The following FBRSL1 variants were observed in gnomAD, a reference collection of about 807,000 sequenced individuals.
FBRSL1 encodes fibrosin-1-like protein.
FBRSL1 carries 51 observed loss-of-function variants against 89.6 expected under a neutral mutation model. That is an observed-to-expected ratio of 0.57 (90% CI 0.45 to 0.72). The LOEUF (loss-of-function observed/expected upper bound fraction) is 0.72. Among genes scored for constraint, FBRSL1 ranks in the 30% least tolerant of loss-of-function variants. The probability of loss-of-function intolerance (pLI) is 0.00; values close to 1 mark genes in which losing one functional copy is unlikely to be tolerated. For synonymous variants in FBRSL1, 779 were observed against 681.1 expected (o/e 1.14, Z -2.24); for missense variants, 1,618 against 1,451.8 (o/e 1.11, Z -1.86).
chr12:132,545,530 C>G (rs911910874), intron 4 of FBRSL1, among the ~76,000 whole-genome samples: 1 of 152,262 alleles, frequency 6.6e-6, no homozygotes, highest in Non-Finnish European at 1.5e-5. Flanking sequence ...CCCTCAGTGT[C>G]TCCTTGCTGT....
chr12:132,515,926 TAAGG>T (rs1343281033), intron 2 of FBRSL1, among the ~76,000 whole-genome samples: 1 of 136,752 alleles, frequency 7.3e-6, no homozygotes, highest in Non-Finnish European at 1.6e-5. Flanking sequence ...AAAAAATTAA[TAAGG>T]TAGGAAACAG....
rs1331212974 is a variant in FBRSL1, at chr12:132,504,239, A to T, written c.292-3914A>T. On this transcript the variant is annotated intron_variant, in intron 1 of 18. Coordinates refer to ENST00000680143, the MANE Select transcript of FBRSL1 (RefSeq NM_001367871.1). ...GGTGCAAACAGGCAGCCCCGTCCCA[A>T]AGAGGGGCAGCAGGGCTCTGTGTGT... 2.4e-4 allele frequency among the ~76,000 whole-genome samples: 7 copies of T among 28,800 alleles called. No individual in the cohort carries two copies. In the South Asian group the frequency reaches 7.1e-3, roughly 29 times the overall value. The allele number at this position is 28,800 out of a possible 152,430, so 18.9% of individuals were successfully genotyped here. A position where few individuals can be genotyped will look rare whatever the true frequency, so the allele number is the denominator to read the frequency against.
intron 5 of FBRSL1, among the ~76,000 whole-genome samples, chr12:132,561,377 G>A (rs986646687): frequency 3.9e-5 from 6 of 152,186 alleles, no homozygotes; most frequent in Non-Finnish European, 7.4e-5. Flanking sequence ...GGGAGCTTGT[G>A]TTCGAACCTG....
chr12:132,562,626 G>A (rs2137663952), intron 5 of FBRSL1, among the ~76,000 whole-genome samples: 2 of 64,836 alleles, frequency 3.1e-5, no homozygotes, highest in Middle Eastern at 7.1e-3. Context: ...CAGGAGCTCA[G>A]CATCCCTTCC....
intron 18 of FBRSL1, 101 bp downstream of exon 18, chr12:132,582,367 CCCGTTTCCTCTCCCTCA>C: frequency 1.0e-6 from 1 of 956,378 alleles, no homozygotes; most frequent in Non-Finnish European, 1.6e-6. Flanking sequence ...CCCTCTTCTC[CCCGTTTCCTCTCCCTCA>C]CCGTTCCCCC....
At chr12:132,496,549 C>T (rs899721220) in intron 1 of FBRSL1, among the ~76,000 whole-genome samples, 1 of 152,236 alleles carries the variant, frequency 6.6e-6, no homozygotes, top group Non-Finnish European at 1.5e-5. Context: ...CCCTCCTCAG[C>T]ACAGGCAGTT....
chr12:132,498,671 A>G (rs1344384290), intron 1 of FBRSL1, among the ~76,000 whole-genome samples: 1 of 152,170 alleles, frequency 6.6e-6, no homozygotes, highest in Non-Finnish European at 1.5e-5. Flanking sequence ...GCTACTGCAC[A>G]GGGCCCCCCA....
At chr12:132,544,790 T>C (rs1419104222) in intron 4 of FBRSL1, among the ~76,000 whole-genome samples, 3 of 151,322 alleles carry the variant, frequency 2.0e-5, no homozygotes, top group African/African-American at 7.3e-5. Flanking sequence ...GTGAGGATGA[T>C]GGTGATGGTG....
At chr12:132,514,738 C>T (rs2034680197) in intron 2 of FBRSL1, among the ~76,000 whole-genome samples, 1 of 152,108 alleles carries the variant, frequency 6.6e-6, no homozygotes, top group African/African-American at 2.4e-5. Flanking sequence ...TCTCATCCAG[C>T]AGGGGTGGGT....
chr12:132,580,864 C>T (rs764850032), intron 15 of FBRSL1: 3 of 985,230 alleles, frequency 3.0e-6, no homozygotes, highest in Non-Finnish European at 3.6e-6. Flanking sequence ...TGCAGCAGCC[C>T]CTCCCAGGGC....
intron 5 of FBRSL1, among the ~76,000 whole-genome samples, chr12:132,563,766 G>A (rs4992762): frequency 0.39 from 17,980 of 45,962 alleles, 3,289 homozygotes; most frequent in Middle Eastern, 0.54. Flanking sequence ...GCACCCCTCC[G>A]GCTGACACAT....
chr12:132,498,686 G>C (rs2032466953), intron 1 of FBRSL1, among the ~76,000 whole-genome samples: 1 of 152,216 alleles, frequency 6.6e-6, no homozygotes, highest in Non-Finnish European at 1.5e-5. Flanking sequence ...CCCCCATCCT[G>C]GTCAGCAGGC....
At chr12:132,571,808 G>T in intron 9 of FBRSL1, 1 of 327,364 alleles carries the variant, frequency 3.1e-6, no homozygotes, top group Non-Finnish European at 5.5e-6. Context: ...CCAGTGCCAG[G>T]GCTGGAGGCC....
intron 2 of FBRSL1, among the ~76,000 whole-genome samples, chr12:132,517,225 C>A (rs2034922755): frequency 6.6e-6 from 1 of 152,088 alleles, no homozygotes; most frequent in African/African-American, 2.4e-5. Context: ...CAGGGCCCTC[C>A]TACAAACCAA....
intron 4 of FBRSL1, among the ~76,000 whole-genome samples, chr12:132,534,469 C>T (rs557759869): frequency 1.7e-4 from 26 of 152,366 alleles, no homozygotes; most frequent in South Asian, 1.7e-3. Context: ...TCTGCCAGGG[C>T]GGGGTCCAGA....
intron 1 of FBRSL1, among the ~76,000 whole-genome samples, chr12:132,495,926 C>T (rs1467090116): frequency 6.6e-6 from 1 of 152,232 alleles, no homozygotes; most frequent in East Asian, 1.9e-4. Context: ...CTGCCCCTCA[C>T]GGGCCCCTGC....
At chr12:132,509,008 C>A (rs540395810) in intron 2 of FBRSL1, among the ~76,000 whole-genome samples, 10 of 152,320 alleles carry the variant, frequency 6.6e-5, no homozygotes, top group Non-Finnish European at 1.3e-4. Context: ...CGCCTTCCTT[C>A]CAGGGTGGGG....
rs550461902 is a variant in FBRSL1 at position 132,584,237 on chromosome 12, G to GCC, written c.*465_*466dup. The GCC allele has an allele frequency of 1.3e-5, 2 of 152,080 alleles. No homozygotes were observed. The highest frequency in any genetic ancestry group is 2.9e-5 in the Non-Finnish European group (2 of 68,042). 9.4% of individuals were successfully genotyped at this position (152,080 alleles called of 1,614,324 possible). On this transcript the variant is annotated 3_prime_UTR_variant, in exon 19 of 19. Transcript: ENST00000680143. ...GAGGCCCCCACTCAGGCCAGCCCTG[G>GCC]CCCCCCCTTGGTACTTGGAACCGAA...
At chr12:132,551,505 C>T (rs1479412013) in intron 5 of FBRSL1, 5 of 456,322 alleles carry the variant, frequency 1.1e-5, no homozygotes, top group Admixed American at 7.0e-5. Flanking sequence ...AGGGCGCGGG[C>T]GCATGTCTCA....
Sources: allele counts gnomAD v4.1 joint callset (sites outside exome capture counted in the v4.1 genomes callset), GRCh38; gene constraint gnomAD v4.1.1; transcripts MANE v1.5; gene names NCBI Gene and HGNC (gene_info 2026-07-23, HGNC 2026-07-21).